The following BACH2 variants were observed in gnomAD, a reference collection of about 807,000 sequenced individuals.
The protein encoded by BACH2 is transcription regulator protein BACH2.
BACH2 carries 5 observed loss-of-function variants against 61.8 expected under a neutral mutation model. That is an observed-to-expected ratio of 0.08 (90% CI 0.04 to 0.17). The LOEUF (loss-of-function observed/expected upper bound fraction) is 0.17. Ranked by LOEUF, BACH2 falls within the 10% of genes least tolerant of loss-of-function variation. BACH2 has a pLI of 1.00. For synonymous variants in BACH2, 446 were observed against 440.1 expected (o/e 1.01, Z -0.17); for missense variants, 824 against 1,091.1 (o/e 0.76, Z 3.45).
At chr6:90,173,963 T>C (rs933250304) in intron 4 of BACH2, among the ~76,000 whole-genome samples, 17 of 152,154 alleles carry the variant, frequency 1.1e-4, no homozygotes, top group Admixed American at 4.6e-4. Flanking sequence ...CCCAGAAATC[T>C]GGTGTAGCTA....
chr6:90,040,819 TTTC>T (rs532749722), intron 5 of BACH2, among the ~76,000 whole-genome samples: 21 of 152,282 alleles, frequency 1.4e-4, no homozygotes, highest in Non-Finnish European at 1.9e-4. Flanking sequence ...TATTTGAACT[TTTC>T]TTTTTTGCTA....
chr6:89,962,121 C>T (rs867999901), intron 6 of BACH2, among the ~76,000 whole-genome samples: 52 of 152,242 alleles, frequency 3.4e-4, no homozygotes, highest in African/African-American at 1.2e-3. Context: ...TCTTTTGACA[C>T]TTTCCTTAGC....
rs572572644 is a variant in BACH2 at position 90,184,762 on chromosome 6, G to A, written c.-162+21807C>T. 2.0e-5 allele frequency among the ~76,000 whole-genome samples: 3 copies of A among 152,322 alleles called. No individual in the cohort carries two copies. The East Asian group carries it at 5.8e-4, about 29-fold the overall frequency. ...CTCTACCTGCTTTCCAAGTGCTTCA[G>A]GAAACATCACCTTAAGGTTGAAGGA... On this transcript the variant is annotated intron_variant, in intron 4 of 8. Coordinates refer to ENST00000257749, the MANE Select transcript of BACH2 (RefSeq NM_021813.4).
chr6:90,100,728 G>GACACACACACACACACACACACACAGAC (rs367693277), intron 4 of BACH2, among the ~76,000 whole-genome samples: 5 of 142,370 alleles, frequency 3.5e-5, no homozygotes, highest in African/African-American at 1.3e-4. Flanking sequence ...CACACACACA[G>GACACACACACACACACACACACACAGAC]ACACACACAC....
rs114676785 is a variant in BACH2, at chr6:90,157,695, C to G, written c.-162+48874G>C. ...GGAACTGGGGCTGGGACCAGCTGCCCGAGCAGATGGCCGCTTAGAGGAGAG... is the reference window on the plus strand; with the variant it reads ...GGAACTGGGGCTGGGACCAGCTGCCGGAGCAGATGGCCGCTTAGAGGAGAG... On this transcript the variant is annotated intron_variant, in intron 4 of 8. Transcript: ENST00000257749. Among the ~76,000 whole-genome samples, 1,345 of 152,202 alleles carry G rather than the reference C, an allele frequency of 8.8e-3. 24 individuals are homozygous for G. Among genetic ancestry groups the G allele is most frequent in the African/African-American group, 0.03 (1,249 of 41,520 alleles).
At chr6:90,232,177 A>G (rs185705443) in intron 3 of BACH2, among the ~76,000 whole-genome samples, 4 of 152,204 alleles carry the variant, frequency 2.6e-5, no homozygotes, top group Non-Finnish European at 4.4e-5. Flanking sequence ...TTCACATTCT[A>G]TATCAATTCA....
intron 6 of BACH2, among the ~76,000 whole-genome samples, chr6:89,958,146 A>AATTTT (rs979750493): frequency 1.3e-5 from 2 of 151,904 alleles, no homozygotes; most frequent in African/African-American, 4.8e-5. Context: ...TTTGTTTACT[A>AATTTT]ATTTTATTTT....
intron 5 of BACH2, among the ~76,000 whole-genome samples, chr6:90,073,858 C>A (rs541602184): frequency 2.8e-4 from 43 of 152,294 alleles, no homozygotes; most frequent in Admixed American, 4.6e-4. Flanking sequence ...TATTATCAAG[C>A]CTTAAAACTT....
intron 4 of BACH2, among the ~76,000 whole-genome samples, chr6:90,094,882 T>G (rs1460425273): frequency 6.7e-6 from 1 of 149,114 alleles, no homozygotes; most frequent in Non-Finnish European, 1.5e-5. Context: ...ACACACACTT[T>G]TTTCCCCTCT....
At chr6:89,949,134 T>C (rs1369260412) in intron 7 of BACH2, among the ~76,000 whole-genome samples, 1 of 152,220 alleles carries the variant, frequency 6.6e-6, no homozygotes, top group Non-Finnish European at 1.5e-5. Flanking sequence ...CATTTCTGCT[T>C]TCTGGCTGGG....
At chr6:90,002,493 G>A (rs1246961289) in intron 6 of BACH2, among the ~76,000 whole-genome samples, 2 of 152,116 alleles carry the variant, frequency 1.3e-5, no homozygotes, top group African/African-American at 2.4e-5. Flanking sequence ...ATAGAAGGCC[G>A]GGCATGGTGG....
chr6:90,126,401 G>A (rs146420211), intron 4 of BACH2, among the ~76,000 whole-genome samples: 5 of 152,246 alleles, frequency 3.3e-5, no homozygotes, highest in Admixed American at 6.5e-5. Context: ...TGGCAGATAC[G>A]GCACGGGCAG....
intron 4 of BACH2, among the ~76,000 whole-genome samples, chr6:90,156,388 G>A (rs934749860): frequency 6.6e-6 from 1 of 152,162 alleles, no homozygotes; most frequent in Non-Finnish European, 1.5e-5. Context: ...AAGTGGGACT[G>A]TTCCTATTTT....
chr6:90,207,883 T>C (rs1257463860), intron 3 of BACH2, among the ~76,000 whole-genome samples: 4 of 152,194 alleles, frequency 2.6e-5, no homozygotes, highest in Non-Finnish European at 4.4e-5. Flanking sequence ...CATCTTTCAC[T>C]GCTAAGAAAA....
At chr6:90,147,050 T>C (rs968453617) in intron 4 of BACH2, among the ~76,000 whole-genome samples, 4 of 152,122 alleles carry the variant, frequency 2.6e-5, no homozygotes, top group Admixed American at 2.0e-4. Flanking sequence ...GGGTAGAATA[T>C]GGCAGAAACA....
chr6:90,089,813 A>G (rs528922801), intron 4 of BACH2, among the ~76,000 whole-genome samples: 6 of 152,298 alleles, frequency 3.9e-5, no homozygotes, highest in Non-Finnish European at 7.4e-5. Context: ...GCTACCATTT[A>G]TTACATTAGT....
intron 5 of BACH2, among the ~76,000 whole-genome samples, chr6:90,049,042 A>T (rs769607526): frequency 7.9e-5 from 12 of 152,192 alleles, no homozygotes; most frequent in Non-Finnish European, 1.6e-4. Flanking sequence ...AATCCAGAGT[A>T]AGCAAAAAAT....
intron 8 of BACH2, among the ~76,000 whole-genome samples, chr6:89,933,181 C>A (rs292258): frequency 0.56 from 85,372 of 151,836 alleles, 24,350 homozygotes; most frequent in Middle Eastern, 0.61. Context: ...CTTCAGAGTC[C>A]ATGTTTTGGT....
At chr6:90,107,484 C>G (rs207261) in intron 4 of BACH2, among the ~76,000 whole-genome samples, 88,413 of 152,000 alleles carry the variant, frequency 0.58, 27,412 homozygotes, top group African/African-American at 0.79. Flanking sequence ...AATTTTATTA[C>G]TGAAGAGTAC....
Sources: gnomAD v4.1 joint callset for allele counts (sites outside exome capture counted in the v4.1 genomes callset) on GRCh38, gnomAD v4.1.1 for gene constraint, MANE v1.5 for transcripts, NCBI Gene and HGNC (gene_info 2026-07-23, HGNC 2026-07-21) for gene names.